TEX36: variants seen among roughly 807,000 people sequenced by gnomAD.
TEX36 encodes the protein testis expressed 36.
A neutral mutation model predicts 13.6 loss-of-function variants in TEX36; 12 were observed. The observed-to-expected ratio is 0.88, with a 90% confidence interval of 0.56 to 1.43. The LOEUF (loss-of-function observed/expected upper bound fraction) is 1.43, where lower values mean the gene tolerates loss of function less well. TEX36 is among the 40% of genes most tolerant of loss of function. The pLI is 0.00. For missense variants in TEX36, 224 were observed against 228.3 expected, an observed-to-expected ratio of 0.98 and a Z score of 0.12; for synonymous variants, 93 against 83.0, an observed-to-expected ratio of 1.12 and a Z score of -0.65.
chr10:125,609,600 T>A (rs899771981), intron 3 of TEX36, among the ~76,000 whole-genome samples: 1 of 152,232 alleles, frequency 6.6e-6, no homozygotes. Context: ...ATATTGAAGA[T>A]GGCAGAGCCT....
At chr10:125,667,674 G>T in intron 1 of TEX36, 1 of 724,702 alleles carries the variant, frequency 1.4e-6, no homozygotes, top group Non-Finnish European at 2.5e-6. Flanking sequence ...TGGGGGAAAG[G>T]ACGCCCATCA....
intron 1 of TEX36, among the ~76,000 whole-genome samples, chr10:125,682,653 A>T (rs1256750128): frequency 6.6e-6 from 1 of 152,240 alleles, no homozygotes; most frequent in East Asian, 1.9e-4. Flanking sequence ...GTATGTTAGA[A>T]AATAGATGTT....
chr10:125,682,900 T>C (rs984773800), intron 1 of TEX36, 39 bp downstream of exon 1: 21 of 1,550,966 alleles, frequency 1.4e-5, no homozygotes, highest in Middle Eastern at 3.3e-4. Context: ...CACACCCACG[T>C]GGCATGAGAA....
intron 1 of TEX36, among the ~76,000 whole-genome samples, chr10:125,670,828 T>G (rs1006313462): frequency 6.6e-6 from 1 of 152,192 alleles, no homozygotes; most frequent in Non-Finnish European, 1.5e-5. Context: ...CCCAGCACCA[T>G]TTATTAAATA....
chr10:125,682,541 G>A (rs534708467), intron 1 of TEX36, among the ~76,000 whole-genome samples: 3 of 152,294 alleles, frequency 2.0e-5, no homozygotes, highest in African/African-American at 7.2e-5. Context: ...TCTAGGCACT[G>A]GGGATACATC....
chr10:125,615,991 T>A (rs1189394550), intron 3 of TEX36, among the ~76,000 whole-genome samples: 1 of 152,212 alleles, frequency 6.6e-6, no homozygotes, highest in Non-Finnish European at 1.5e-5. Flanking sequence ...GAGATTCAAC[T>A]TCTTCCTGGT....
intron 1 of TEX36, chr10:125,667,772 C>T: frequency 1.1e-6 from 1 of 909,898 alleles, no homozygotes; most frequent in Non-Finnish European, 1.8e-6. Context: ...CAGCAGCTGA[C>T]AGTAGAAGCG....
chr10:125,677,000 C>A (rs1167061886), intron 1 of TEX36, among the ~76,000 whole-genome samples: 1 of 152,152 alleles, frequency 6.6e-6, no homozygotes, highest in Non-Finnish European at 1.5e-5. Flanking sequence ...GCAGTTTTTT[C>A]TTTCAGCATT....
intron 3 of TEX36, among the ~76,000 whole-genome samples, chr10:125,649,417 G>T (rs1846819586): frequency 6.6e-6 from 1 of 152,168 alleles, no homozygotes; most frequent in Admixed American, 6.5e-5. Context: ...CATAAGTGAA[G>T]GAGAAATAAA....
At chr10:125,659,084 G>A (rs779130273) in intron 3 of TEX36, among the ~76,000 whole-genome samples, 12 of 152,000 alleles carry the variant, frequency 7.9e-5, no homozygotes, top group Non-Finnish European at 1.2e-4. Flanking sequence ...AGTTTGAATA[G>A]ATTAATAATC....
intron 3 of TEX36, among the ~76,000 whole-genome samples, chr10:125,614,001 T>C (rs1384786618): frequency 1.3e-5 from 2 of 152,236 alleles, no homozygotes; most frequent in Admixed American, 6.5e-5. Flanking sequence ...TATCTCATTG[T>C]GGTTTTGATT....
At position 125,605,291 on chromosome 10, in the gene TEX36, C is replaced by A. The variant is rs115010025; in HGVS notation, c.265-28417G>T. Among the ~76,000 whole-genome samples the A allele has an allele frequency of 8.1e-3, 1,224 of 150,440 alleles. 17 individuals are homozygous for A. The highest frequency in any genetic ancestry group is 0.029 in the African/African-American group (1,176 of 40,246). On this transcript the variant is annotated intron_variant, in intron 3 of 3. Coordinates refer to the TEX36 transcript ENST00000532135. ...TGTCCTGCCAGTTAATCTCCACACA[C>A]AGCATAGTGCAGCAATGTGGTCAGT...
intron 3 of TEX36, among the ~76,000 whole-genome samples, chr10:125,632,700 T>C (rs534538832): frequency 1.3e-5 from 2 of 152,276 alleles, no homozygotes; most frequent in Non-Finnish European, 2.9e-5. Context: ...CAGTCCCTGT[T>C]CCACCTGGCA....
intron 1 of TEX36, chr10:125,667,750 G>T: frequency 1.2e-6 from 1 of 820,672 alleles, no homozygotes; most frequent in Non-Finnish European, 2.1e-6. Context: ...TCACGCAGTC[G>T]TCAGCTGTCA....
chr10:125,656,249 CTTTTTTTTTTTTTTT>C, intron 3 of TEX36, 53 bp from the exon 4 acceptor site: 24 of 261,508 alleles, frequency 9.2e-5, no homozygotes, highest in Middle Eastern at 1.6e-3. Context: ...TCACATAGTT[CTTTTTTTTTTTTTTT>C]TTTTTTTTTT....
chr10:125,649,305 T>C (rs1396585707), intron 3 of TEX36, among the ~76,000 whole-genome samples: 1 of 152,222 alleles, frequency 6.6e-6, no homozygotes, highest in African/African-American at 2.4e-5. Context: ...ACAGCAGATC[T>C]CTTGGCAGAA....
At chr10:125,577,364 G>T (rs1845836673) in intron 3 of TEX36, among the ~76,000 whole-genome samples, 1 of 152,172 alleles carries the variant, frequency 6.6e-6, no homozygotes, top group African/African-American at 2.4e-5. Context: ...CAGGCATGTT[G>T]GCGCACGCCT....
intron 1 of TEX36, among the ~76,000 whole-genome samples, chr10:125,682,631 A>T (rs958913075): frequency 6.6e-6 from 1 of 152,224 alleles, no homozygotes; most frequent in Non-Finnish European, 1.5e-5. Context: ...AGATAAGAGA[A>T]TAAGTTCTGT....
At chr10:125,641,045 T>C (rs898933943) in intron 3 of TEX36, among the ~76,000 whole-genome samples, 2 of 151,122 alleles carry the variant, frequency 1.3e-5, no homozygotes, top group African/African-American at 4.9e-5. Flanking sequence ...TGGGATGAAA[T>C]GTCCTCTTCT....
Sources: allele counts gnomAD v4.1 joint callset (sites outside exome capture counted in the v4.1 genomes callset), GRCh38; gene constraint gnomAD v4.1.1; transcripts MANE v1.5; gene names NCBI Gene and HGNC (gene_info 2026-07-23, HGNC 2026-07-21).